TRIM77: variants seen among roughly 807,000 people sequenced by gnomAD.
TRIM77 encodes tripartite motif-containing protein 77.
In TRIM77, 23 loss-of-function variants were observed where a neutral mutation model predicts 31.8. The observed-to-expected ratio is 0.72, with a 90% CI of 0.52 to 1.02. TRIM77 has a LOEUF of 1.02. Ranked by LOEUF, TRIM77 falls within the 50% of genes least tolerant of loss-of-function variation. The probability of loss-of-function intolerance (pLI) is 0.00; values close to 1 mark genes in which losing one functional copy is unlikely to be tolerated. For missense variants in TRIM77, 446 were observed against 539.2 expected (o/e 0.83, Z 1.71); for synonymous variants, 159 against 183.1 (o/e 0.87, Z 1.06).
intron 3 of TRIM77, among the ~76,000 whole-genome samples, 170 bp from the exon 4 acceptor site, chr11:89,714,987 TG>T (rs1212705417): frequency 6.6e-6 from 1 of 152,192 alleles, no homozygotes; most frequent in Non-Finnish European, 1.5e-5. Flanking sequence ...GACGTCAGAC[TG>T]GGTTTCATAT....
intron 2 of TRIM77, among the ~76,000 whole-genome samples, chr11:89,712,316 G>A (rs1214556432): frequency 1.3e-5 from 2 of 152,128 alleles, no homozygotes; most frequent in Non-Finnish European, 2.9e-5. Context: ...GCATTCTCGT[G>A]AGGGCCTATC....
chr11:89,716,135 T>C, intron 5 of TRIM77, 148 bp downstream of exon 5: 1 of 438,518 alleles, frequency 2.3e-6, no homozygotes, highest in Non-Finnish European at 4.0e-6. Flanking sequence ...TAACCAATTT[T>C]AAAACTGTTA....
In TRIM77 at chr11:89,715,144, C is replaced by G; in HGVS notation, c.739-14C>G. ...GTTGTGCTGCAAACTAAGCAATCCT[C>G]TCTCTCTTTATAGGATTTGGGAGAC... On this transcript the variant is annotated splice_polypyrimidine_tract_variant and intron_variant, in intron 3 of 5. Transcript: ENST00000398290. 2 of 1,551,210 alleles carry G rather than the reference C, an allele frequency of 1.3e-6. No homozygotes were observed. The highest frequency in any genetic ancestry group is 2.0e-5 in the Admixed American group (1 of 51,000).
intron 3 of TRIM77, among the ~76,000 whole-genome samples, chr11:89,714,697 T>C (rs1389718603): frequency 6.6e-6 from 1 of 152,200 alleles, no homozygotes; most frequent in African/African-American, 2.4e-5. Flanking sequence ...CACTGATTCT[T>C]AGTAGTTGCA....
intron 3 of TRIM77, among the ~76,000 whole-genome samples, 186 bp from the exon 4 acceptor site, chr11:89,714,972 A>T (rs1430892411): frequency 6.6e-6 from 1 of 152,186 alleles, no homozygotes; most frequent in East Asian, 1.9e-4. Context: ...TATTGACTAC[A>T]TGTAGACGTC....
In TRIM77 at chr11:89,717,360, C is replaced by T. The variant is rs983193153; in HGVS notation, c.860-19C>T. 2.4e-5 allele frequency: 37 copies of T among 1,511,340 alleles called. No individual in the cohort carries two copies. The highest frequency in any genetic ancestry group is 3.3e-5 in the Non-Finnish European group (37 of 1,126,688). The allele number at this position is 1,511,340 out of a possible 1,614,324, so 93.6% of individuals were successfully genotyped here. ...CTTTTAAACTGTTTTTTTGCATTCACTGTTTTCTTTTGCCATAGTGTATAT... is the reference window on the plus strand; with the variant it reads ...CTTTTAAACTGTTTTTTTGCATTCATTGTTTTCTTTTGCCATAGTGTATAT... On this transcript the variant is annotated intron_variant, in intron 5 of 5. Coordinates refer to ENST00000398290, the MANE Select transcript of TRIM77 (RefSeq NM_001146162.1).
intron 2 of TRIM77, among the ~76,000 whole-genome samples, chr11:89,713,039 C>T (rs1470255972): frequency 3.9e-5 from 6 of 151,956 alleles, no homozygotes; most frequent in Admixed American, 1.3e-4. Context: ...TTTGGGAGGC[C>T]GAGGTGGGCG....
chr11:89,712,868 A>G (rs1316547462), intron 2 of TRIM77, among the ~76,000 whole-genome samples: 10 of 152,334 alleles, frequency 6.6e-5, no homozygotes, highest in African/African-American at 2.4e-4. Context: ...TGTTTTAGCA[A>G]GAGAAGCTAG....
At position 89,716,046 on chromosome 11, in the gene TRIM77, T is replaced by C. The variant is rs1193443689; in HGVS notation, c.859+59T>C. On this transcript the variant is annotated intron_variant, in intron 5 of 5. Coordinates refer to ENST00000398290, the MANE Select transcript of TRIM77 (RefSeq NM_001146162.1). ...TAAGTATTTTTATATGGGTGACCTATATTCAGTTTAGTCTATATTCACTTC... is the reference window on the plus strand; with the variant it reads ...TAAGTATTTTTATATGGGTGACCTACATTCAGTTTAGTCTATATTCACTTC... 197 of 1,076,976 alleles carry C rather than the reference T, an allele frequency of 1.8e-4. 1 individual carries two copies. Among genetic ancestry groups the C allele is most frequent in the Non-Finnish European group, 2.7e-5 (20 of 743,450 alleles). 66.7% of individuals were successfully genotyped at this position (1,076,976 alleles called of 1,614,324 possible).
At chr11:89,713,683 T>C (rs1469320796) in intron 2 of TRIM77, among the ~76,000 whole-genome samples, 2 of 151,488 alleles carry the variant, frequency 1.3e-5, no homozygotes, top group Non-Finnish European at 2.9e-5. Context: ...AGAATGAACA[T>C]TGTAAGAAAG....
chr11:89,712,204 C>A (rs981449663), intron 2 of TRIM77, among the ~76,000 whole-genome samples: 4 of 152,022 alleles, frequency 2.6e-5, no homozygotes, highest in Non-Finnish European at 2.9e-5. Flanking sequence ...TAAACAGGGA[C>A]CAGTAGAGAA....
intron 2 of TRIM77, among the ~76,000 whole-genome samples, chr11:89,712,470 G>A (rs1015555625): frequency 6.6e-6 from 1 of 152,092 alleles, no homozygotes; most frequent in Non-Finnish European, 1.5e-5. Flanking sequence ...AATAATGTTC[G>A]TGAAGTGCTT....
intron 3 of TRIM77, among the ~76,000 whole-genome samples, 187 bp downstream of exon 3, chr11:89,714,609 G>A (rs964234750): frequency 1.3e-5 from 2 of 152,272 alleles, no homozygotes; most frequent in South Asian, 2.1e-4. Flanking sequence ...TTGTCCCATA[G>A]AGGAGAAGGA....
chr11:89,716,639 C>G (rs996229578), intron 5 of TRIM77, among the ~76,000 whole-genome samples: 2 of 152,062 alleles, frequency 1.3e-5, no homozygotes, highest in Non-Finnish European at 2.9e-5. Flanking sequence ...GGGAGAGAAA[C>G]CACCTTTTTA....
Position 89,710,698 on chromosome 11 carries a change from G to C in TRIM77, c.400G>C (p.Glu134Gln). ...HKHYMTREAD[E>Q]YYRKKLLIQM... The stretch of plus-strand genomic sequence containing the variant: ...ACACTATATGACAAGGGAGGCTGAT[G>C]AATACTATAGGGTAAGTAAATGCTA... The change falls in exon 1 of 6, where the codon GAA becomes CAA. Residue 134 changes from glutamate to glutamine, a missense_variant. Glu to Gln is a conservative substitution (Grantham distance 29). Transcript: ENST00000398290. 1 of 1,542,390 alleles carries C rather than the reference G, an allele frequency of 6.5e-7. No individual in the cohort carries two copies. The highest frequency in any genetic ancestry group is 1.7e-4 in the Middle Eastern group (1 of 5,932).
intron 3 of TRIM77, 145 bp from the exon 4 acceptor site, chr11:89,715,012 GA>G: frequency 1.4e-6 from 1 of 700,882 alleles, no homozygotes; most frequent in Non-Finnish European, 2.3e-6. Flanking sequence ...TAAAGAAAAA[GA>G]AAATGAAAAA....
chr11:89,713,122 A>C (rs1233983704), intron 2 of TRIM77, among the ~76,000 whole-genome samples: 1 of 151,684 alleles, frequency 6.6e-6, no homozygotes, highest in Non-Finnish European at 1.5e-5. Flanking sequence ...AAATACAAAA[A>C]TTAGCTGGGC....
chr11:89,714,356 A>C lies in TRIM77; in HGVS notation c.672A>C (p.Ile224=), dbSNP rs1430948761. The stretch of plus-strand genomic sequence containing the variant: ...AAACTAGAATGGCTAAGATGGGTAT[A>C]CTCCTGAGAGAAATGTATGAGAAAC... The part of the protein sequence containing the change: ...RSQTRMAKMG[I]LLREMYEKLK... Residue 224 remains isoleucine, a synonymous_variant, in exon 3 of 6, where the codon ATA becomes ATC. Transcript: ENST00000398290. 1 of 1,551,576 alleles carries C rather than the reference A, an allele frequency of 6.4e-7. No individual in the cohort carries two copies. The highest frequency in any genetic ancestry group is 8.7e-7 in the Non-Finnish European group (1 of 1,146,998).
rs1288074109 is a variant in TRIM77 at position 89,714,231 on chromosome 11, T to C, written c.547T>C (p.Tyr183His). 5.8e-6 allele frequency: 9 copies of C among 1,551,482 alleles called. No individual in the cohort carries two copies. Among genetic ancestry groups the C allele is most frequent in the Non-Finnish European group, 7.8e-6 (9 of 1,146,948 alleles). Residue 183 changes from tyrosine (Y) to histidine (H), a missense_variant, in exon 3 of 6, where the codon TAT becomes CAT. Coordinates refer to ENST00000398290, the MANE Select transcript of TRIM77 (RefSeq NM_001146162.1). ...GCGGAGCATGATGATCAGTGCTGAA[T>C]ATCCTAAGGTGTGTCAATACCTCCG... ...NLRSMMISAEYPKVCQYLREE... is the reference protein window; with the variant it reads ...NLRSMMISAEHPKVCQYLREE...
Sources: allele counts gnomAD v4.1 joint callset (sites outside exome capture counted in the v4.1 genomes callset), GRCh38; gene constraint gnomAD v4.1.1; transcripts MANE v1.5; gene names NCBI Gene and HGNC (gene_info 2026-07-23, HGNC 2026-07-21).